STPG2: variants seen among roughly 807,000 people sequenced by gnomAD.
STPG2 encodes sperm-tail PG-rich repeat-containing protein 2.
A neutral mutation model predicts 54.2 loss-of-function variants in STPG2; 56 were observed. That is an observed-to-expected ratio of 1.03 (90% CI 0.83 to 1.29). STPG2 has a LOEUF of 1.29. Ranked by LOEUF, STPG2 falls within the 50% of genes most tolerant of loss-of-function variation. The pLI is 0.00. For missense variants in STPG2, 596 were observed against 544.9 expected (o/e 1.09, Z -0.93); for synonymous variants, 200 against 181.8 (o/e 1.10, Z -0.81).
At chr4:97,649,496 T>C (rs746327525) in intron 10 of STPG2, among the ~76,000 whole-genome samples, 1 of 152,090 alleles carries the variant, frequency 6.6e-6, no homozygotes, top group Non-Finnish European at 1.5e-5. Context: ...GTAAAAGAGA[T>C]ATATTATCAA....
At chr4:97,625,530 G>C (rs1219166002) in intron 10 of STPG2, among the ~76,000 whole-genome samples, 1 of 152,116 alleles carries the variant, frequency 6.6e-6, no homozygotes, top group Non-Finnish European at 1.5e-5. Context: ...GGTCAGGCTG[G>C]TCTTGAACTC....
At chr4:97,931,219 T>G (rs1020559473) in intron 8 of STPG2, among the ~76,000 whole-genome samples, 3 of 152,224 alleles carry the variant, frequency 2.0e-5, no homozygotes, top group African/African-American at 7.2e-5. Context: ...TCCAATACTA[T>G]GCTGAATAAA....
intron 10 of STPG2, among the ~76,000 whole-genome samples, chr4:97,580,896 C>G (rs1279727675): frequency 6.6e-6 from 1 of 151,906 alleles, no homozygotes; most frequent in African/African-American, 2.4e-5. Context: ...ATTTTAAAGC[C>G]TGCTTTGTAA....
chr4:97,929,599 G>C (rs553673849), intron 8 of STPG2, among the ~76,000 whole-genome samples: 1 of 152,104 alleles, frequency 6.6e-6, no homozygotes, highest in African/African-American at 2.4e-5. Context: ...TCTCAGTATA[G>C]TTTTGATTTG....
intron 10 of STPG2, among the ~76,000 whole-genome samples, chr4:97,593,452 C>T (rs1733197955): frequency 6.6e-6 from 1 of 152,156 alleles, no homozygotes; most frequent in East Asian, 1.9e-4. Flanking sequence ...GCAATTCTTG[C>T]CTAGCTATGC....
At position 97,939,588 on chromosome 4, in the gene STPG2, T is replaced by G. The variant is rs192960332; in HGVS notation, c.1044+4309A>C. ...TTGTCATTTCTGATCTTTGCTGGTG[T>G]GAAATCTGTTTTGTCTGAAATTAAG... On this transcript the variant is annotated intron_variant, in intron 8 of 10. Transcript: ENST00000295268. Among the ~76,000 whole-genome samples the G allele has an allele frequency of 4.2e-3, 643 of 152,352 alleles. 3 individuals carry two copies. Among genetic ancestry groups the G allele is most frequent in the South Asian group, 0.024 (118 of 4,828 alleles).
chr4:97,972,970 C>A (rs1734384951), intron 6 of STPG2, among the ~76,000 whole-genome samples: 1 of 152,132 alleles, frequency 6.6e-6, no homozygotes, highest in South Asian at 2.1e-4. Flanking sequence ...TCTTTTTTAG[C>A]AGAATGAAAA....
chr4:97,985,752 C>A (rs1333705053), intron 5 of STPG2, among the ~76,000 whole-genome samples: 5 of 152,084 alleles, frequency 3.3e-5, no homozygotes. Flanking sequence ...ATATCATATT[C>A]TTTTCTATTT....
At chr4:97,931,360 C>T (rs907754652) in intron 8 of STPG2, among the ~76,000 whole-genome samples, 1 of 152,144 alleles carries the variant, frequency 6.6e-6, no homozygotes, top group African/African-American at 2.4e-5. Context: ...AATATTCATT[C>T]AATACCTAGT....
rs141237071 is a variant in STPG2, at chr4:97,689,029, T to C, written c.1320+23670A>G. The stretch of plus-strand genomic sequence containing the variant: ...TTTTAAACCCTATTTGTTACTTCAG[T>C]ACTGAGTGCTATACTTTCTCACAAA... On this transcript the variant is annotated intron_variant, in intron 10 of 10. Transcript: ENST00000295268. Among the ~76,000 whole-genome samples the C allele has an allele frequency of 2.8e-3, 423 of 152,278 alleles. 3 individuals are homozygous for C. The highest frequency in any genetic ancestry group is 9.3e-3 in the African/African-American group (387 of 41,568).
intron 9 of STPG2, among the ~76,000 whole-genome samples, chr4:97,737,475 C>T (rs6852505): frequency 0.42 from 64,456 of 151,828 alleles, 14,200 homozygotes; most frequent in Admixed American, 0.54. Context: ...AAAATTTAGA[C>T]GAATGTATAA....
intron 5 of STPG2, among the ~76,000 whole-genome samples, chr4:98,037,525 T>C (rs1053125698): frequency 1.3e-5 from 2 of 151,984 alleles, no homozygotes; most frequent in Non-Finnish European, 2.9e-5. Flanking sequence ...AGCATTTCTA[T>C]TTATCAGGAA....
intron 4 of STPG2, among the ~76,000 whole-genome samples, chr4:97,475,126 T>C (rs1449186304): frequency 2.0e-5 from 3 of 152,044 alleles, no homozygotes; most frequent in Admixed American, 6.5e-5. Flanking sequence ...AAATAGAGCC[T>C]CATATATAAT....
chr4:97,800,189 G>A lies in STPG2; in HGVS notation c.1204+40584C>T, dbSNP rs190480863. On this transcript the variant is annotated intron_variant, in intron 9 of 10. Coordinates refer to ENST00000295268, the MANE Select transcript of STPG2 (RefSeq NM_174952.3). Reference sequence around the variant, plus strand: ...AGCCTTCTTCTCTCAACTCGTCAAAGTCATTCTCTGTCCAGCTTCGTTCCA... The same window carrying A: ...AGCCTTCTTCTCTCAACTCGTCAAAATCATTCTCTGTCCAGCTTCGTTCCA... Among the ~76,000 whole-genome samples, 18 of 152,312 alleles carry A rather than the reference G, an allele frequency of 1.2e-4. No homozygotes were observed. In the East Asian group the frequency reaches 3.5e-3, roughly 29 times the overall value.
intron 8 of STPG2, among the ~76,000 whole-genome samples, chr4:97,875,743 T>G (rs1052555256): frequency 1.4e-4 from 21 of 151,936 alleles, no homozygotes. Context: ...ATTAAGAACT[T>G]ATAAAACAAA....
intron 8 of STPG2, among the ~76,000 whole-genome samples, chr4:97,861,958 C>T (rs1371849949): frequency 6.6e-6 from 1 of 151,998 alleles, no homozygotes; most frequent in South Asian, 2.1e-4. Context: ...GTACCAGCCA[C>T]TGCAAAAACA....
In STPG2 at chr4:97,490,442, C is replaced by A. The variant is rs1001700283; in HGVS notation, c.462+222257G>T. On this transcript the variant is annotated intron_variant, in intron 4 of 4. Coordinates refer to the STPG2 transcript ENST00000522676. ...TACTTATATTCTACTACTCTGTTTG[C>A]CACTTTATTAGATTCTCTTCCTCCA... Among the ~76,000 whole-genome samples the A allele has an allele frequency of 3.3e-5, 5 of 151,520 alleles. No individual in the cohort carries two copies. The Admixed American group carries it at 3.3e-4, about 10-fold the overall frequency.
At chr4:97,638,815 G>T (rs1356667906) in intron 10 of STPG2, among the ~76,000 whole-genome samples, 1 of 145,116 alleles carries the variant, frequency 6.9e-6, no homozygotes, top group African/African-American at 2.6e-5. Context: ...ACACCAGTTA[G>T]AATGGCAATC....
At chr4:98,017,073 A>C (rs1380845381) in intron 5 of STPG2, among the ~76,000 whole-genome samples, 1 of 152,182 alleles carries the variant, frequency 6.6e-6, no homozygotes, top group Non-Finnish European at 1.5e-5. Context: ...GCTAGCCTGA[A>C]GCCTGAGTCT....
Sources: gnomAD v4.1 joint callset for allele counts (sites outside exome capture counted in the v4.1 genomes callset) on GRCh38, gnomAD v4.1.1 for gene constraint, MANE v1.5 for transcripts, NCBI Gene and HGNC (gene_info 2026-07-23, HGNC 2026-07-21) for gene names.